KCNB2: variants seen among roughly 807,000 people sequenced by gnomAD.
KCNB2 encodes the protein potassium voltage-gated channel subfamily B member 2.
KCNB2 carries 15 observed loss-of-function variants against 61.5 expected under a neutral mutation model. That is an observed-to-expected ratio of 0.24 (90% CI 0.16 to 0.38). The LOEUF (loss-of-function observed/expected upper bound fraction) is 0.38, where lower values mean the gene tolerates loss of function less well. Ranked by LOEUF, KCNB2 falls within the 10% of genes least tolerant of loss-of-function variation. KCNB2 has a pLI of 1.00. For synonymous variants in KCNB2, 457 were observed against 446.0 expected, an observed-to-expected ratio of 1.02 and a Z score of -0.31; for missense variants, 828 against 1,125.2, an observed-to-expected ratio of 0.74 and a Z score of 3.78.
At chr8:72,782,996 G>A in intron 2 of KCNB2, among the ~76,000 whole-genome samples, 1 of 152,088 alleles carries the variant, frequency 6.6e-6, no homozygotes, top group East Asian at 1.9e-4. Context: ...AATTAGAGTT[G>A]TAAGTAACTT....
At chr8:72,924,644 T>TA (rs1044757997) in intron 2 of KCNB2, among the ~76,000 whole-genome samples, 36 of 151,818 alleles carry the variant, frequency 2.4e-4, no homozygotes, top group East Asian at 1.4e-3. Flanking sequence ...CAGACAGCTA[T>TA]AAAAAAAAGG....
chr8:72,663,687 A>G (rs892744152), intron 2 of KCNB2, among the ~76,000 whole-genome samples: 2 of 152,176 alleles, frequency 1.3e-5, no homozygotes, highest in Non-Finnish European at 2.9e-5. Flanking sequence ...GAGAGGGGAG[A>G]TACATGATGC....
At chr8:72,801,694 T>G (rs1809128536) in intron 2 of KCNB2, among the ~76,000 whole-genome samples, 3 of 152,086 alleles carry the variant, frequency 2.0e-5, no homozygotes, top group Admixed American at 6.5e-5. Flanking sequence ...AGAATCAGGG[T>G]GCAATAAGAC....
intron 2 of KCNB2, among the ~76,000 whole-genome samples, chr8:72,797,068 G>A (rs4143635): frequency 0.15 from 23,179 of 152,020 alleles, 2,278 homozygotes; most frequent in East Asian, 0.28. Context: ...GGTCAATAAC[G>A]ATGGTACGAT....
chr8:72,642,250 A>T (rs12545975), intron 2 of KCNB2, among the ~76,000 whole-genome samples: 18,809 of 152,196 alleles, frequency 0.12, 1,532 homozygotes, highest in Non-Finnish European at 0.17. Flanking sequence ...TAATAATTTT[A>T]TATGGATTGT....
intron 2 of KCNB2, among the ~76,000 whole-genome samples, chr8:72,675,509 C>A (rs1563556132): frequency 6.9e-6 from 1 of 145,630 alleles, no homozygotes; most frequent in Non-Finnish European, 1.5e-5. Context: ...ATAAGGCAAT[C>A]TGCAGTCGGA....
intron 2 of KCNB2, among the ~76,000 whole-genome samples, chr8:72,682,951 A>G (rs559251765): frequency 1.3e-5 from 2 of 152,202 alleles, no homozygotes; most frequent in Non-Finnish European, 2.9e-5. Flanking sequence ...TGATAAAATA[A>G]CATCATTGAG....
chr8:72,883,580 A>G (rs180746583), intron 2 of KCNB2, among the ~76,000 whole-genome samples: 168 of 152,352 alleles, frequency 1.1e-3, no homozygotes, highest in African/African-American at 3.8e-3. Flanking sequence ...ACACTTTGCC[A>G]TATGGCTCTA....
chr8:72,654,822 G>A (rs1050877996), intron 2 of KCNB2, among the ~76,000 whole-genome samples: 5 of 152,094 alleles, frequency 3.3e-5, no homozygotes, highest in Non-Finnish European at 7.4e-5. Flanking sequence ...ACGAGGTTAC[G>A]GGGAAAAGGG....
chr8:72,665,208 T>A (rs937726798), intron 2 of KCNB2, among the ~76,000 whole-genome samples: 3 of 152,176 alleles, frequency 2.0e-5, no homozygotes, highest in Non-Finnish European at 2.9e-5. Context: ...TAAGTAGACA[T>A]GTGGCATTTG....
At chr8:72,622,050 T>C (rs1457286843) in intron 2 of KCNB2, among the ~76,000 whole-genome samples, 1 of 152,212 alleles carries the variant, frequency 6.6e-6, no homozygotes, top group African/African-American at 2.4e-5. Flanking sequence ...AAAATCGTTT[T>C]GTCAATTAGT....
intron 2 of KCNB2, among the ~76,000 whole-genome samples, chr8:72,623,263 G>A (rs1274660689): frequency 7.2e-5 from 11 of 152,164 alleles, no homozygotes; most frequent in African/African-American, 2.2e-4. Flanking sequence ...AAATTGTAGC[G>A]ATGCCTGTCA....
chr8:72,672,927 C>T (rs927811948), intron 2 of KCNB2, among the ~76,000 whole-genome samples: 2 of 152,154 alleles, frequency 1.3e-5, no homozygotes, highest in African/African-American at 4.8e-5. Flanking sequence ...GAAATTAGAA[C>T]TCTTGTGCCT....
intron 2 of KCNB2, among the ~76,000 whole-genome samples, chr8:72,760,090 A>G (rs1184078998): frequency 6.6e-6 from 1 of 152,210 alleles, no homozygotes; most frequent in African/African-American, 2.4e-5. Flanking sequence ...GGGCTTTAAA[A>G]GATCCTTCTT....
chr8:72,639,147 A>G (rs1427610653), intron 2 of KCNB2, among the ~76,000 whole-genome samples: 2 of 152,164 alleles, frequency 1.3e-5, no homozygotes, highest in Admixed American at 6.5e-5. Flanking sequence ...AAAGGAAGCT[A>G]GAACTATTGG....
chr8:72,547,589 C>T (rs1215118940), intron 1 of KCNB2, among the ~76,000 whole-genome samples: 2 of 152,136 alleles, frequency 1.3e-5, no homozygotes, highest in African/African-American at 2.4e-5. Flanking sequence ...AATAACTGCA[C>T]ATATGGTGGA....
intron 2 of KCNB2, among the ~76,000 whole-genome samples, chr8:72,834,087 A>T (rs1399333435): frequency 1.3e-5 from 2 of 152,176 alleles, no homozygotes. Context: ...TGTTTTTCAC[A>T]TAAATTAATT....
intron 2 of KCNB2, among the ~76,000 whole-genome samples, chr8:72,883,765 A>AT (rs1805755831): frequency 6.6e-6 from 1 of 152,164 alleles, no homozygotes; most frequent in African/African-American, 2.4e-5. Context: ...TGACAGGCCC[A>AT]TTTTGAAACG....
At chr8:72,922,166 A>C (rs1352749593) in intron 2 of KCNB2, among the ~76,000 whole-genome samples, 2 of 152,158 alleles carry the variant, frequency 1.3e-5, no homozygotes, top group Non-Finnish European at 2.9e-5. Context: ...GCTTGTAGCA[A>C]TACCACTCCA....
Sources: gnomAD v4.1 joint callset for allele counts (sites outside exome capture counted in the v4.1 genomes callset) on GRCh38, gnomAD v4.1.1 for gene constraint, MANE v1.5 for transcripts, NCBI Gene and HGNC (gene_info 2026-07-23, HGNC 2026-07-21) for gene names.